Variants in WNT2 observed in about 807,000 individuals in gnomAD.
WNT2 encodes the protein protein Wnt-2.
In WNT2, 12 loss-of-function variants were observed where a neutral mutation model predicts 36.9. The ratio of observed to expected loss-of-function variants is 0.33; its 90% CI spans 0.21 to 0.53. The LOEUF is 0.53. Ranked by LOEUF, WNT2 falls within the 20% of genes least tolerant of loss-of-function variation. WNT2 has a pLI of 0.95. For missense variants in WNT2, 379 were observed against 473.1 expected (o/e 0.80, Z 1.84); for synonymous variants, 163 against 174.6 (o/e 0.93, Z 0.52).
At chr7:117,311,768 C>T (rs1795126339) in intron 3 of WNT2, among the ~76,000 whole-genome samples, 2 of 152,124 alleles carry the variant, frequency 1.3e-5, no homozygotes, top group East Asian at 3.8e-4. Context: ...TTTTATTAAG[C>T]ATCTATTACA....
intron 3 of WNT2, among the ~76,000 whole-genome samples, chr7:117,301,800 TTC>T (rs1218982001): frequency 5.4e-5 from 8 of 149,054 alleles, no homozygotes; most frequent in African/African-American, 2.0e-4. Context: ...TTTCCCTCCA[TTC>T]TTTTTTTTTT....
At chr7:117,310,554 G>A (rs1331361746) in intron 3 of WNT2, among the ~76,000 whole-genome samples, 2 of 133,540 alleles carry the variant, frequency 1.5e-5, no homozygotes, top group Non-Finnish European at 3.1e-5. Context: ...CCGCACTCCA[G>A]CCTGGGTAAC....
chr7:117,304,789 T>C (rs1032366771), intron 3 of WNT2, among the ~76,000 whole-genome samples: 3 of 152,228 alleles, frequency 2.0e-5, no homozygotes, highest in African/African-American at 7.2e-5. Flanking sequence ...ATTTTGGAAT[T>C]GGTCCTCTAT....
At chr7:117,279,907 C>G (rs1454007200) in intron 4 of WNT2, among the ~76,000 whole-genome samples, 1 of 152,144 alleles carries the variant, frequency 6.6e-6, no homozygotes, top group African/African-American at 2.4e-5. Context: ...GAATGTCTTC[C>G]TTTTGATATC....
rs747430691 is a variant in WNT2 at position 117,322,884 on chromosome 7, CG to C, written c.83+22del. 5 of 1,612,550 alleles carry C rather than the reference CG, an allele frequency of 3.1e-6. No homozygotes were observed. Among genetic ancestry groups the C allele is most frequent in the Non-Finnish European group, 3.4e-6 (4 of 1,179,378 alleles). The stretch of plus-strand genomic sequence containing the variant: ...CCCCATTCCGATCTCCAAAATCCCC[CG>C]CGCCCGTGCGCGTGGACTTACCACC... On this transcript the variant is annotated intron_variant, in intron 1 of 4. Coordinates refer to ENST00000265441, the MANE Select transcript of WNT2 (RefSeq NM_003391.3). The surrounding 1 kb of genome is among the most constrained non-coding windows in gnomAD (Gnocchi z 5.4).
intron 1 of WNT2, 114 bp from the exon 2 acceptor site, chr7:117,320,907 C>T (rs1795312694): frequency 7.7e-6 from 7 of 913,492 alleles, no homozygotes; most frequent in Non-Finnish European, 1.7e-6. Context: ...ATTCCTTATC[C>T]TTCTGGTGAT....
At chr7:117,278,467 C>A in intron 4 of WNT2, 83 bp from the exon 5 acceptor site, 1 of 1,348,712 alleles carries the variant, frequency 7.4e-7, no homozygotes. Context: ...CGAGGTCCAT[C>A]CTCCAGGACA....
chr7:117,312,544 A>T (rs1795141165), intron 3 of WNT2, among the ~76,000 whole-genome samples: 1 of 152,236 alleles, frequency 6.6e-6, no homozygotes, highest in African/African-American at 2.4e-5. Context: ...TTTAGACCTA[A>T]ACAGAGCTGC....
rs2285542 is a variant in WNT2 at position 117,303,646 on chromosome 7, G to A, written c.589-5770C>T. On this transcript the variant is annotated intron_variant, in intron 3 of 4. Transcript: ENST00000265441. ...GATAAAAGAATGAGTGACTAAAGTC[G>A]AGGACCTCTGTTCTGTAACTATAAG... is the stretch of plus-strand genomic sequence containing the variant. Among the ~76,000 whole-genome samples the A allele has an allele frequency of 1.5e-4, 23 of 152,264 alleles. No individual in the cohort carries two copies. The East Asian group carries it at 3.9e-3, about 26-fold the overall frequency.
intron 2 of WNT2, among the ~76,000 whole-genome samples, chr7:117,316,486 G>C (rs962794956): frequency 2.6e-5 from 4 of 152,102 alleles, no homozygotes; most frequent in Non-Finnish European, 5.9e-5. Context: ...AGAACCATTT[G>C]GTGATTCAAT....
intron 4 of WNT2, among the ~76,000 whole-genome samples, chr7:117,279,507 T>C (rs951207846): frequency 2.0e-5 from 3 of 152,214 alleles, no homozygotes; most frequent in Non-Finnish European, 4.4e-5. Context: ...ACTTAGTTGC[T>C]GTTGGCAGCT....
chr7:117,316,238 A>G (rs1795215030), intron 2 of WNT2, among the ~76,000 whole-genome samples: 1 of 152,240 alleles, frequency 6.6e-6, no homozygotes, highest in Non-Finnish European at 1.5e-5. Context: ...TGAAAGGTAC[A>G]TATTTCAGTG....
chr7:117,285,915 G>A (rs1434456273), intron 4 of WNT2, among the ~76,000 whole-genome samples: 3 of 152,176 alleles, frequency 2.0e-5, no homozygotes, highest in African/African-American at 4.8e-5. Context: ...AGACACAGAA[G>A]GTTGCAGACT....
chr7:117,276,668 T>C lies in WNT2; in HGVS notation c.*1487A>G, dbSNP rs1794385091. The stretch of plus-strand genomic sequence containing the variant: ...TGCATGTAATGAAATATCCTGTTAA[T>C]GTAGCACTGTAAGGAAGTCATATAC... On this transcript the variant is annotated 3_prime_UTR_variant, in exon 5 of 5. Coordinates refer to ENST00000265441, the MANE Select transcript of WNT2 (RefSeq NM_003391.3). The C allele has an allele frequency of 6.6e-6, 1 of 152,218 alleles. No individual in the cohort carries two copies. The highest frequency in any genetic ancestry group is 1.9e-4 in the East Asian group (1 of 5,204). The allele number at this position is 152,218 out of a possible 1,614,324, so 9.4% of individuals were successfully genotyped here.
At chr7:117,289,251 G>T (rs1794642332) in intron 4 of WNT2, among the ~76,000 whole-genome samples, 1 of 151,826 alleles carries the variant, frequency 6.6e-6, no homozygotes. Flanking sequence ...GTAGAGACGG[G>T]GTTTCCCCGT....
At chr7:117,308,403 TA>T (rs538248916) in intron 3 of WNT2, among the ~76,000 whole-genome samples, 1 of 152,324 alleles carries the variant, frequency 6.6e-6, no homozygotes, top group South Asian at 2.1e-4. Flanking sequence ...GAGGCAAGTC[TA>T]AAAAACATTT....
chr7:117,286,405 CTCTT>C (rs971655335), intron 4 of WNT2, among the ~76,000 whole-genome samples: 14 of 152,114 alleles, frequency 9.2e-5, no homozygotes, highest in African/African-American at 3.4e-4. Context: ...CTCTCAATCT[CTCTT>C]TCTCTCTCTC....
chr7:117,315,423 A>C, intron 2 of WNT2, 75 bp from the exon 3 acceptor site: 1 of 1,455,144 alleles, frequency 6.9e-7, no homozygotes, highest in Non-Finnish European at 9.2e-7. Flanking sequence ...ACAATTGTTT[A>C]ATATTTGCTC....
chr7:117,319,342 T>G (rs1242410146), intron 2 of WNT2, among the ~76,000 whole-genome samples: 1 of 152,194 alleles, frequency 6.6e-6, no homozygotes, highest in Non-Finnish European at 1.5e-5. Context: ...TTGCAGAATA[T>G]CGCAGTAAAT....
Sources: allele counts gnomAD v4.1 joint callset (sites outside exome capture counted in the v4.1 genomes callset), GRCh38; gene constraint gnomAD v4.1.1; non-coding constraint Gnocchi (gnomAD v3.1); transcripts MANE v1.5; gene names NCBI Gene and HGNC (gene_info 2026-07-23, HGNC 2026-07-21).